Variants in NEURL1B observed in about 807,000 individuals in gnomAD.
NEURL1B encodes E3 ubiquitin-protein ligase NEURL1B.
NEURL1B carries 13 observed loss-of-function variants against 37.4 expected under a neutral mutation model. The ratio of observed to expected loss-of-function variants is 0.35; its 90% confidence interval spans 0.23 to 0.55. The LOEUF (loss-of-function observed/expected upper bound fraction) is 0.55. Ranked by LOEUF, NEURL1B falls within the 20% of genes least tolerant of loss-of-function variation. NEURL1B has a pLI of 0.89. For missense variants in NEURL1B, 790 were observed against 879.2 expected (o/e 0.90, Z 1.28); for synonymous variants, 432 against 426.6 (o/e 1.01, Z -0.16).
chr5:172,646,502 C>T (rs1757562894), intron 1 of NEURL1B, among the ~76,000 whole-genome samples: 1 of 152,210 alleles, frequency 6.6e-6, no homozygotes, highest in Non-Finnish European at 1.5e-5. Context: ...GGAGGCACCC[C>T]TTTCCTGTCT....
chr5:172,681,078 T>G (rs1278798210), intron 2 of NEURL1B, among the ~76,000 whole-genome samples: 1 of 152,080 alleles, frequency 6.6e-6, no homozygotes, highest in Admixed American at 6.5e-5. Flanking sequence ...AGGAAGAGTG[T>G]GAAGTGGGGG....
At chr5:172,658,505 T>TG (rs1245297460) in intron 1 of NEURL1B, among the ~76,000 whole-genome samples, 1 of 152,170 alleles carries the variant, frequency 6.6e-6, no homozygotes, top group African/African-American at 2.4e-5. Flanking sequence ...AGTCACTTCC[T>TG]GGGGGGCCTC....
At position 172,686,541 on chromosome 5, in the gene NEURL1B, C is replaced by A; in HGVS notation, c.1424-140C>A. On this transcript the variant is annotated intron_variant, in intron 4 of 4. Transcript: ENST00000369800. The surrounding 1 kb of genome is among the most constrained non-coding windows in gnomAD (Gnocchi z 7.9). ...AGAGTAGAGAAAGGTGCAAAACCTG[C>A]AAGGTAAACTCAAATTAGTATCTCC... 1 of 1,068,158 alleles carries A rather than the reference C, an allele frequency of 9.4e-7. No homozygotes were observed. Among genetic ancestry groups the A allele is most frequent in the Non-Finnish European group, 1.3e-6 (1 of 751,706 alleles). The allele number at this position is 1,068,158 out of a possible 1,614,324, so 66.2% of individuals were successfully genotyped here. A position where few individuals can be genotyped will look rare whatever the true frequency, so the allele number is the denominator to read the frequency against.
chr5:172,687,159 G>A lies in NEURL1B; in HGVS notation c.*234G>A. 1 of 539,588 alleles carries A rather than the reference G, an allele frequency of 1.9e-6. No homozygotes were observed. 33.4% of individuals were successfully genotyped at this position (539,588 alleles called of 1,614,324 possible). A position where few individuals can be genotyped will look rare whatever the true frequency, so the allele number is the denominator to read the frequency against. ...CGTCCCAAGAGCAAGCTCAGGAACTGCCTGGCAGATCACCCTGTCCCTTGG... is the reference window on the plus strand; with the variant it reads ...CGTCCCAAGAGCAAGCTCAGGAACTACCTGGCAGATCACCCTGTCCCTTGG... On this transcript the variant is annotated 3_prime_UTR_variant, in exon 5 of 5. Transcript: ENST00000369800.
chr5:172,659,783 T>G (rs1360682976), intron 1 of NEURL1B, among the ~76,000 whole-genome samples: 1 of 152,192 alleles, frequency 6.6e-6, no homozygotes, highest in African/African-American at 2.4e-5. Context: ...AGTTCCCCAG[T>G]GCTCTCAGCT....
chr5:172,674,071 C>G (rs1382233254), intron 2 of NEURL1B, among the ~76,000 whole-genome samples: 1 of 151,782 alleles, frequency 6.6e-6, no homozygotes, highest in African/African-American at 2.4e-5. Context: ...ACCCAGGAGG[C>G]AGAGGTTGCA....
At chr5:172,653,005 C>T (rs1286553509) in intron 1 of NEURL1B, among the ~76,000 whole-genome samples, 6 of 152,134 alleles carry the variant, frequency 3.9e-5, no homozygotes, top group Non-Finnish European at 8.8e-5. Context: ...TGGTGGTTAG[C>T]AGCACAAGGT....
In NEURL1B at chr5:172,657,347, C is replaced by T. The variant is rs943877068; in HGVS notation, c.32-12438C>T. Among the ~76,000 whole-genome samples the T allele has an allele frequency of 7.3e-5, 11 of 151,630 alleles. No homozygotes were observed. Among genetic ancestry groups the T allele is most frequent in the African/African-American group, 9.7e-5 (4 of 41,254 alleles). On this transcript the variant is annotated intron_variant, in intron 1 of 4. Transcript: ENST00000369800. The surrounding 1 kb of genome is among the most constrained non-coding windows in gnomAD (Gnocchi z 4.0). ...TGTGGGTGGAGGATTACCCAGGTGC[C>T]GAGGCAAGAGACTGAAGGCACAAAC...
rs563542264 is a variant in NEURL1B, at chr5:172,665,697, C to G, written c.32-4088C>G. On this transcript the variant is annotated intron_variant, in intron 1 of 4. Coordinates refer to ENST00000369800, the MANE Select transcript of NEURL1B (RefSeq NM_001142651.3). This position sits in a 1 kb window ranked among gnomAD's most constrained non-coding sequence, Gnocchi z 4.1. The stretch of plus-strand genomic sequence containing the variant: ...CTACCGTATCACTTTACCCTCCCCC[C>G]AAATTCCAGCCTCCCCCTGCCTCTG... Among the ~76,000 whole-genome samples, 2 of 152,180 alleles carry G rather than the reference C, an allele frequency of 1.3e-5. No individual in the cohort carries two copies. The highest frequency in any genetic ancestry group is 4.2e-4 in the South Asian group (2 of 4,814).
In NEURL1B at chr5:172,641,295, T is replaced by A. The variant is rs1307810214; in HGVS notation, c.-112T>A. 1 of 982,500 alleles carries A rather than the reference T, an allele frequency of 1.0e-6. No individual in the cohort carries two copies. The highest frequency in any genetic ancestry group is 1.7e-5 in the African/African-American group (1 of 58,748). 60.9% of individuals were successfully genotyped at this position (982,500 alleles called of 1,614,324 possible). ...CAGCTGCCGCCCGCCGGCTCGCCCG[T>A]GCAGCTGCGATGCCCCGGAGCGTCG... On this transcript the variant is annotated 5_prime_UTR_variant, in exon 1 of 5. Transcript: ENST00000369800. This position sits in a 1 kb window ranked among gnomAD's most constrained non-coding sequence, Gnocchi z 6.4.
chr5:172,655,732 T>G (rs1486405096), intron 1 of NEURL1B, among the ~76,000 whole-genome samples: 3 of 151,798 alleles, frequency 2.0e-5, no homozygotes, highest in African/African-American at 4.8e-5. Context: ...TGTTTGTTTT[T>G]TTTTTTTTTT....
In NEURL1B at chr5:172,683,900, C is replaced by T; in HGVS notation, c.1059C>T (p.Asn353=). Residue 353 remains asparagine, a synonymous_variant, in exon 3 of 5, where the codon AAC becomes AAT. Coordinates refer to ENST00000369800, the MANE Select transcript of NEURL1B (RefSeq NM_001142651.3). The surrounding 1 kb of genome is among the most constrained non-coding windows in gnomAD (Gnocchi z 5.6). ...GCGACCCGGGCGTGCTACGGCCCAA[C>T]GAGCTGCCCGCCGACCCAGACGCGC... ...TSCDPGVLRP[N]ELPADPDALL... is the part of the protein sequence containing the mutation. The T allele has an allele frequency of 2.8e-6, 4 of 1,415,010 alleles. No individual in the cohort carries two copies. The highest frequency in any genetic ancestry group is 3.7e-6 in the Non-Finnish European group (4 of 1,079,580). 87.7% of individuals were successfully genotyped at this position (1,415,010 alleles called of 1,614,324 possible).
intron 1 of NEURL1B, among the ~76,000 whole-genome samples, chr5:172,655,856 G>A (rs189352251): frequency 5.0e-4 from 76 of 152,008 alleles, no homozygotes; most frequent in Admixed American, 7.9e-4. Context: ...ACCAGAGACC[G>A]CCCCCTGAGG....
chr5:172,656,012 A>G (rs1757770036), intron 1 of NEURL1B, among the ~76,000 whole-genome samples: 3 of 152,252 alleles, frequency 2.0e-5, no homozygotes, highest in Admixed American at 6.5e-5. Context: ...CAGATGGAGC[A>G]ATGATGAGTG....
chr5:172,686,736 G>A lies in NEURL1B; in HGVS notation c.1479G>A (p.Pro493=), dbSNP rs1258223736. The change falls in exon 5 of 5, where the codon CCG becomes CCA. Residue 493 remains proline (P), a synonymous_variant. Transcript: ENST00000369800. The surrounding 1 kb of genome is among the most constrained non-coding windows in gnomAD (Gnocchi z 7.9). The part of the protein sequence containing the change: ...SPPVSPVFSP[P]EPAGIKNGEC... ...CGGTGTCCCCCGTGTTCTCCCCACC[G>A]GAGCCGGCAGGCATCAAGAATGGCG... is the stretch of plus-strand genomic sequence containing the variant. 1.2e-5 allele frequency: 19 copies of A among 1,551,324 alleles called. No individual in the cohort carries two copies. The highest frequency in any genetic ancestry group is 3.6e-5 in the South Asian group (3 of 84,056).
In NEURL1B at chr5:172,683,312, C is replaced by T. The variant is rs1377429034; in HGVS notation, c.578-107C>T. On this transcript the variant is annotated intron_variant, in intron 2 of 4. Coordinates refer to ENST00000369800, the MANE Select transcript of NEURL1B (RefSeq NM_001142651.3). The surrounding 1 kb of genome is among the most constrained non-coding windows in gnomAD (Gnocchi z 5.6). The stretch of plus-strand genomic sequence containing the variant: ...GGGGTGGGGTGGGGGCTGCTCGAGG[C>T]CCGGGTCGGTCGTGGAGGCCTGCAG... The T allele has an allele frequency of 2.7e-5, 33 of 1,218,980 alleles. No individual in the cohort carries two copies. The highest frequency in any genetic ancestry group is 3.2e-5 in the Non-Finnish European group (31 of 970,734). The allele number at this position is 1,218,980 out of a possible 1,614,324, so 75.5% of individuals were successfully genotyped here.
rs901318499 is a variant in NEURL1B, at chr5:172,641,441, C to T, written c.31+4C>T. 3 of 1,324,526 alleles carry T rather than the reference C, an allele frequency of 2.3e-6. No individual in the cohort carries two copies. The highest frequency in any genetic ancestry group is 4.0e-5 in the Admixed American group (1 of 25,012). The allele number at this position is 1,324,526 out of a possible 1,614,324, so 82.0% of individuals were successfully genotyped here. A position where few individuals can be genotyped will look rare whatever the true frequency, so the allele number is the denominator to read the frequency against. On this transcript the variant is annotated splice_donor_region_variant and intron_variant, in intron 1 of 4. Coordinates refer to ENST00000369800, the MANE Select transcript of NEURL1B (RefSeq NM_001142651.3). This position sits in a 1 kb window ranked among gnomAD's most constrained non-coding sequence, Gnocchi z 6.4. ...ACGGTGCACCGGACCCTGCCAGGTA[C>T]GCCGGGGAGCCCTGCCCGGGAGGCG...
At position 172,670,027 on chromosome 5, in the gene NEURL1B, G is replaced by T; in HGVS notation, c.274G>T (p.Gly92Cys). ...GCTGCGCCTGGTGGCCGTGCGCCCT[G>T]GCTGGAGCGGCGCGCTGCGCTTCGG... Reference protein sequence around the residue: ...VRLRLVAVRPGWSGALRFGFT... With the variant: ...VRLRLVAVRPCWSGALRFGFT... The change falls in exon 2 of 5, where the codon GGC (glycine) becomes TGC (cysteine). Residue 92 changes from glycine (G) to cysteine (C), a missense_variant. Around this residue, in one of 3 missense-constraint regions of NEURL1B, gnomAD observed 215 missense variants for 309.2 expected, o/e 0.70. Transcript: ENST00000369800. 6.7e-7 allele frequency: 1 copy of T among 1,499,232 alleles called. No homozygotes were observed. 92.9% of individuals were successfully genotyped at this position (1,499,232 alleles called of 1,614,324 possible). A position where few individuals can be genotyped will look rare whatever the true frequency, so the allele number is the denominator to read the frequency against.
In NEURL1B at chr5:172,686,785, G is replaced by A. The variant is rs1428941061; in HGVS notation, c.1528G>A (p.Glu510Lys). Residue 510 changes from glutamate (E) to lysine (K), a missense_variant, in exon 5 of 5, where the codon GAG (glutamate) becomes AAG (lysine). Around this residue, in one of 3 missense-constraint regions of NEURL1B, gnomAD observed 115 missense variants for 162.6 expected, o/e 0.71. Coordinates refer to ENST00000369800, the MANE Select transcript of NEURL1B (RefSeq NM_001142651.3). The surrounding 1 kb of genome is among the most constrained non-coding windows in gnomAD (Gnocchi z 7.9). ...CGAGTGCACGGTGTGCTTCGATGGC[G>A]AGGTGGACACGGTCATCTACACGTG... is the stretch of plus-strand genomic sequence containing the variant. ...NGECTVCFDG[E>K]VDTVIYTCGH... The A allele has an allele frequency of 1.3e-6, 2 of 1,551,864 alleles. No individual in the cohort carries two copies. Among genetic ancestry groups the A allele is most frequent in the East Asian group, 2.4e-5 (1 of 40,904 alleles).
Sources: gnomAD v4.1 joint callset for allele counts (sites outside exome capture counted in the v4.1 genomes callset) on GRCh38, gnomAD v4.1.1 for gene constraint, gnomAD v4.1.1 regional missense constraint, Gnocchi (gnomAD v3.1) non-coding constraint, MANE v1.5 for transcripts, NCBI Gene and HGNC (gene_info 2026-07-23, HGNC 2026-07-21) for gene names.